Variants in CDH8 observed in about 807,000 individuals in gnomAD.
CDH8 encodes the protein cadherin-8.
A neutral mutation model predicts 68.1 loss-of-function variants in CDH8; 17 were observed. The ratio of observed to expected loss-of-function variants is 0.25; its 90% CI spans 0.17 to 0.37. The LOEUF is 0.37. Among genes scored for constraint, CDH8 ranks in the 10% least tolerant of loss-of-function variants. CDH8 has a pLI of 1.00. For synonymous variants in CDH8, 372 were observed against 365.1 expected (o/e 1.02, Z -0.21); for missense variants, 763 against 999.3 (o/e 0.76, Z 3.19).
At chr16:61,993,145 G>A (rs1344112754) in intron 2 of CDH8, among the ~76,000 whole-genome samples, 3 of 152,132 alleles carry the variant, frequency 2.0e-5, no homozygotes, top group Non-Finnish European at 4.4e-5. Flanking sequence ...ATTTTTCTAT[G>A]TATAAAGTGA....
chr16:61,923,462 G>T (rs1427779981), intron 2 of CDH8, among the ~76,000 whole-genome samples: 3 of 151,992 alleles, frequency 2.0e-5, no homozygotes, highest in Non-Finnish European at 4.4e-5. Context: ...AAAAATTATA[G>T]GGTTGGCATC....
chr16:61,718,514 G>C (rs1004145857), intron 9 of CDH8, among the ~76,000 whole-genome samples: 2 of 151,450 alleles, frequency 1.3e-5, no homozygotes, highest in South Asian at 2.1e-4. Context: ...GTGATAGAAA[G>C]GGGGTGAAGG....
At chr16:61,704,255 A>C (rs1964489882) in intron 10 of CDH8, among the ~76,000 whole-genome samples, 2 of 152,224 alleles carry the variant, frequency 1.3e-5, no homozygotes, top group South Asian at 4.1e-4. Context: ...CATCAAATAA[A>C]TAGCTTTACA....
At chr16:61,752,401 TAAAC>T (rs922564475) in intron 8 of CDH8, among the ~76,000 whole-genome samples, 2 of 152,172 alleles carry the variant, frequency 1.3e-5, no homozygotes, top group Non-Finnish European at 2.9e-5. Flanking sequence ...CAAAGAGAAT[TAAAC>T]AACCTCCTTT....
At chr16:61,868,690 C>A (rs1963301469) in intron 3 of CDH8, among the ~76,000 whole-genome samples, 1 of 152,026 alleles carries the variant, frequency 6.6e-6, no homozygotes, top group Admixed American at 6.6e-5. Context: ...GGGGTCATGT[C>A]AGCACTCAAA....
At chr16:61,947,977 G>A (rs1450145491) in intron 2 of CDH8, among the ~76,000 whole-genome samples, 1 of 152,120 alleles carries the variant, frequency 6.6e-6, no homozygotes, top group Non-Finnish European at 1.5e-5. Context: ...GCCATTCACA[G>A]TCTCCATTAA....
At chr16:62,018,167 T>C (rs1024850596) in intron 2 of CDH8, among the ~76,000 whole-genome samples, 1 of 152,218 alleles carries the variant, frequency 6.6e-6, no homozygotes, top group African/African-American at 2.4e-5. Flanking sequence ...CAAGCTCATA[T>C]TCAGACCTCG....
chr16:62,009,191 A>G (rs1349051181), intron 2 of CDH8, among the ~76,000 whole-genome samples: 1 of 152,194 alleles, frequency 6.6e-6, no homozygotes, highest in Admixed American at 6.5e-5. Flanking sequence ...ACTGTTCCTC[A>G]GAGTATTTGC....
intron 2 of CDH8, among the ~76,000 whole-genome samples, chr16:61,921,326 C>G (rs1228783159): frequency 1.3e-5 from 2 of 150,674 alleles, no homozygotes; most frequent in East Asian, 3.9e-4. Flanking sequence ...GCTGAACTAA[C>G]CACTTTATTT....
intron 2 of CDH8, among the ~76,000 whole-genome samples, chr16:61,952,358 A>G (rs1020955761): frequency 1.3e-5 from 2 of 152,162 alleles, no homozygotes; most frequent in Admixed American, 6.5e-5. Context: ...AGACAGACTT[A>G]TGGTTTTACT....
intron 2 of CDH8, among the ~76,000 whole-genome samples, chr16:61,908,407 C>A (rs887367524): frequency 6.6e-6 from 1 of 152,094 alleles, no homozygotes; most frequent in Non-Finnish European, 1.5e-5. Context: ...ACTAGGACAG[C>A]GAAAGGGCAG....
At chr16:61,668,008 C>T (rs1356591917) in intron 10 of CDH8, among the ~76,000 whole-genome samples, 1 of 151,818 alleles carries the variant, frequency 6.6e-6, no homozygotes, top group Non-Finnish European at 1.5e-5. Flanking sequence ...AAGAGAAAAA[C>T]ATATATGGAG....
chr16:61,789,260 G>A (rs1961320341), intron 8 of CDH8, 86 bp downstream of exon 8: 2 of 1,268,970 alleles, frequency 1.6e-6, no homozygotes, highest in East Asian at 2.5e-5. Context: ...GTACCTAACA[G>A]AAACAGGGGC....
intron 8 of CDH8, among the ~76,000 whole-genome samples, chr16:61,760,293 T>A (rs1444522070): frequency 6.6e-6 from 1 of 150,750 alleles, no homozygotes; most frequent in East Asian, 1.9e-4. Context: ...TTTTATTTAT[T>A]TATTTATTTA....
intron 3 of CDH8, among the ~76,000 whole-genome samples, chr16:61,874,304 C>G (rs1026932288): frequency 2.0e-5 from 3 of 151,946 alleles, no homozygotes; most frequent in African/African-American, 7.3e-5. Flanking sequence ...ATATTAAATG[C>G]ATTTTCTACT....
intron 8 of CDH8, among the ~76,000 whole-genome samples, chr16:61,774,413 A>T (rs934661854): frequency 6.7e-6 from 1 of 150,306 alleles, no homozygotes; most frequent in Non-Finnish European, 1.5e-5. Flanking sequence ...CTACAAGGAG[A>T]GCACAGTTCT....
rs181822134 is a variant in CDH8 at position 61,685,904 on chromosome 16, C to T, written c.1654+27937G>A. 3.3e-3 allele frequency among the ~76,000 whole-genome samples: 508 copies of T among 151,976 alleles called. 1 individual carries two copies. The highest frequency in any genetic ancestry group is 5.4e-3 in the Non-Finnish European group (369 of 67,914). The stretch of plus-strand genomic sequence containing the variant: ...GAAAATGAATCTAAATTAATTGCTA[C>T]TGTGTTCATTGGAATTGGATGGTAA... On this transcript the variant is annotated intron_variant, in intron 10 of 11. Transcript: ENST00000577390.
intron 3 of CDH8, among the ~76,000 whole-genome samples, chr16:61,897,030 T>C (rs1963879071): frequency 6.7e-6 from 1 of 150,012 alleles, no homozygotes; most frequent in Admixed American, 6.7e-5. Context: ...TTGGAAGATA[T>C]GTCGCAGGCT....
intron 10 of CDH8, among the ~76,000 whole-genome samples, chr16:61,661,447 A>T (rs1012384389): frequency 6.6e-6 from 1 of 151,922 alleles, no homozygotes; most frequent in Admixed American, 6.6e-5. Context: ...AATTTGGGAC[A>T]CTCATAGACA....
Sources: allele counts gnomAD v4.1 joint callset (sites outside exome capture counted in the v4.1 genomes callset), GRCh38; gene constraint gnomAD v4.1.1; transcripts MANE v1.5; gene names NCBI Gene and HGNC (gene_info 2026-07-23, HGNC 2026-07-21).